The following GNA12 variants were observed in gnomAD, a reference collection of about 807,000 sequenced individuals.
The protein encoded by GNA12 is guanine nucleotide-binding protein subunit alpha-12.
Under a neutral mutation model 26.0 loss-of-function variants are expected in GNA12, and 9 were observed. That is an observed-to-expected ratio of 0.35 (90% confidence interval 0.21 to 0.60). The LOEUF (loss-of-function observed/expected upper bound fraction) is 0.60. GNA12 is among the 20% of genes least tolerant of loss of function. The pLI is 0.78. For synonymous variants in GNA12, 264 were observed against 219.6 expected, an observed-to-expected ratio of 1.20 and a Z score of -1.79; for missense variants, 405 against 525.8, an observed-to-expected ratio of 0.77 and a Z score of 2.25.
intron 1 of GNA12, 148 bp downstream of exon 1, chr7:2,843,705 G>T (rs1455766906): frequency 6.1e-5 from 25 of 409,454 alleles, no homozygotes; most frequent in Non-Finnish European, 1.0e-4. Context: ...GGAATGGGTC[G>T]GGGGGGAGTG....
At chr7:2,786,298 G>A (rs1661923921) in intron 2 of GNA12, among the ~76,000 whole-genome samples, 1 of 152,148 alleles carries the variant, frequency 6.6e-6, no homozygotes, top group South Asian at 2.1e-4. Flanking sequence ...CTGTGAATCT[G>A]TAATTAGTTC....
chr7:2,761,317 C>T (rs778096683), intron 2 of GNA12, among the ~76,000 whole-genome samples: 25 of 152,332 alleles, frequency 1.6e-4, no homozygotes, highest in Non-Finnish European at 2.8e-4. Context: ...CTCACAGAGC[C>T]GTCTGCTGGC....
intron 1 of GNA12, among the ~76,000 whole-genome samples, chr7:2,799,990 G>A (rs1276208774): frequency 6.6e-6 from 1 of 152,150 alleles, no homozygotes; most frequent in African/African-American, 2.4e-5. Flanking sequence ...TACTAAAAAT[G>A]CAACTCCCAT....
chr7:2,778,466 G>T (rs559558071), intron 2 of GNA12, among the ~76,000 whole-genome samples: 1 of 152,142 alleles, frequency 6.6e-6, no homozygotes, highest in Non-Finnish European at 1.5e-5. Context: ...TTTCTTCCAT[G>T]ACACTCACAC....
rs186408534 is a variant in GNA12, at chr7:2,750,551, A to C, written c.526-17050T>G. Among the ~76,000 whole-genome samples the C allele has an allele frequency of 1.2e-3, 178 of 152,330 alleles. 2 individuals are homozygous for C. The highest frequency in any genetic ancestry group is 4.0e-3 in the African/African-American group (167 of 41,574). ...AGTTAGGCAGAGTAAGGTTAACAATAAAACAGAACAATTGTAACAACACAC... is the reference window on the plus strand; with the variant it reads ...AGTTAGGCAGAGTAAGGTTAACAATCAAACAGAACAATTGTAACAACACAC... On this transcript the variant is annotated intron_variant, in intron 2 of 3. Transcript: ENST00000275364.
chr7:2,803,336 G>A (rs1032232293), intron 1 of GNA12, among the ~76,000 whole-genome samples: 15 of 152,154 alleles, frequency 9.9e-5, no homozygotes, highest in African/African-American at 2.9e-4. Context: ...GGGGACGATC[G>A]AGGGCTTTGG....
intron 2 of GNA12, among the ~76,000 whole-genome samples, chr7:2,735,461 G>A (rs1790120994): frequency 6.6e-6 from 1 of 152,182 alleles, no homozygotes; most frequent in Non-Finnish European, 1.5e-5. Context: ...CTGGACACAC[G>A]TGCTCCGCCC....
At chr7:2,835,470 T>C (rs997374513) in intron 1 of GNA12, among the ~76,000 whole-genome samples, 6 of 152,194 alleles carry the variant, frequency 3.9e-5, no homozygotes, top group African/African-American at 1.2e-4. Flanking sequence ...TTCCTCCCTG[T>C]GTCCCAGCTT....
intron 1 of GNA12, among the ~76,000 whole-genome samples, chr7:2,825,197 G>A (rs564960791): frequency 6.6e-6 from 1 of 152,204 alleles, no homozygotes; most frequent in Non-Finnish European, 1.5e-5. Context: ...GGGGAAGCCC[G>A]AGAAACAAGA....
intron 2 of GNA12, among the ~76,000 whole-genome samples, chr7:2,749,599 C>A (rs888980918): frequency 7.9e-5 from 12 of 151,840 alleles, no homozygotes; most frequent in Non-Finnish European, 1.2e-4. Flanking sequence ...CAACATGGCA[C>A]ATGTATACAT....
intron 1 of GNA12, among the ~76,000 whole-genome samples, chr7:2,841,152 T>C (rs965349883): frequency 4.6e-5 from 7 of 152,198 alleles, no homozygotes; most frequent in Non-Finnish European, 7.3e-5. Flanking sequence ...GTTTTCTTTT[T>C]TTCTTTTTCT....
chr7:2,818,390 G>C (rs1194372631), intron 1 of GNA12, among the ~76,000 whole-genome samples: 1 of 152,218 alleles, frequency 6.6e-6, no homozygotes, highest in African/African-American at 2.4e-5. Flanking sequence ...CCCCTGGGGA[G>C]CATAGTCTCT....
intron 1 of GNA12, chr7:2,814,434 A>G (rs761611361): frequency 9.3e-7 from 1 of 1,075,712 alleles, no homozygotes; most frequent in Non-Finnish European, 1.5e-6. Flanking sequence ...AATTAAAGAC[A>G]ATTAGAGACA....
intron 1 of GNA12, among the ~76,000 whole-genome samples, chr7:2,815,610 C>T (rs1476000366): frequency 2.0e-5 from 3 of 152,222 alleles, no homozygotes; most frequent in Non-Finnish European, 4.4e-5. Flanking sequence ...TCCTAAACCG[C>T]GGATGCTGCC....
chr7:2,751,776 T>C (rs1027464419), intron 2 of GNA12, among the ~76,000 whole-genome samples: 4 of 152,140 alleles, frequency 2.6e-5, no homozygotes, highest in South Asian at 2.1e-4. Context: ...AATGGACAAA[T>C]TGCTTTAAAA....
chr7:2,782,455 T>A (rs1024608185), intron 2 of GNA12, among the ~76,000 whole-genome samples: 3 of 152,170 alleles, frequency 2.0e-5, no homozygotes, highest in African/African-American at 7.2e-5. Context: ...CAAAACTCAA[T>A]TAGATTGAGA....
chr7:2,738,640 T>C (rs906151658), intron 2 of GNA12, among the ~76,000 whole-genome samples: 1 of 151,964 alleles, frequency 6.6e-6, no homozygotes, highest in Non-Finnish European at 1.5e-5. Flanking sequence ...GAATGGGGGA[T>C]GGGACAGAGA....
chr7:2,750,298 G>T (rs1259729568), intron 2 of GNA12, among the ~76,000 whole-genome samples: 1 of 152,198 alleles, frequency 6.6e-6, no homozygotes, highest in East Asian at 1.9e-4. Flanking sequence ...TGCAGAGGCA[G>T]ACAGGCAAAT....
intron 1 of GNA12, among the ~76,000 whole-genome samples, chr7:2,796,071 G>T (rs1453198229): frequency 6.6e-6 from 1 of 151,948 alleles, no homozygotes; most frequent in East Asian, 1.9e-4. Flanking sequence ...CCACCATGTT[G>T]TCCAGCCTGG....
Sources: gnomAD v4.1 joint callset for allele counts (sites outside exome capture counted in the v4.1 genomes callset) on GRCh38, gnomAD v4.1.1 for gene constraint, MANE v1.5 for transcripts, NCBI Gene and HGNC (gene_info 2026-07-23, HGNC 2026-07-21) for gene names.